KLRG1: variants seen among roughly 807,000 people sequenced by gnomAD.
KLRG1 encodes the protein killer cell lectin like receptor G1.
In KLRG1, 16 loss-of-function variants were observed where a neutral mutation model predicts 21.8. The ratio of observed to expected loss-of-function variants is 0.73; its 90% CI spans 0.50 to 1.11. The LOEUF is 1.11. Ranked by LOEUF, KLRG1 falls within the 50% of genes most tolerant of loss-of-function variation. The pLI, the probability that KLRG1 is intolerant of heterozygous loss-of-function variation, is 0.00. For synonymous variants in KLRG1, 69 were observed against 75.9 expected (o/e 0.91, Z 0.47); for missense variants, 173 against 218.3 (o/e 0.79, Z 1.31).
At chr12:9,112,364 G>C in the KLRG1 span, 1 of 1,611,550 alleles carries the variant, frequency 6.2e-7, no homozygotes, top group Non-Finnish European at 8.5e-7. Flanking sequence ...CCTGTCTGTA[G>C]GCTTCTTCAT....
chr12:9,140,802 T>C, the KLRG1 span, among the ~76,000 whole-genome samples: 11 of 152,200 alleles, frequency 7.2e-5, no homozygotes, highest in African/African-American at 2.2e-4. Flanking sequence ...GTACAGGGAC[T>C]GTGCACATAA....
At chr12:8,994,581 A>G (rs1361864833) in intron 2 of KLRG1, among the ~76,000 whole-genome samples, 1 of 152,200 alleles carries the variant, frequency 6.6e-6, no homozygotes, top group Non-Finnish European at 1.5e-5. Context: ...AGGGACAGTT[A>G]CATCTGTGAT....
the KLRG1 span, among the ~76,000 whole-genome samples, chr12:9,203,351 T>A: frequency 6.7e-6 from 1 of 148,596 alleles, no homozygotes. Context: ...TTTTTTTTTT[T>A]TTTTTTTTGA....
chr12:8,978,368 A>G (rs1946691258), intron 1 of KLRG1, among the ~76,000 whole-genome samples: 1 of 152,204 alleles, frequency 6.6e-6, no homozygotes, highest in South Asian at 2.1e-4. Flanking sequence ...TTACATTTTT[A>G]GTATAGATGA....
At chr12:9,112,420 G>C in the KLRG1 span, 14,090 of 1,613,882 alleles carry the variant, frequency 8.7e-3, 93 homozygotes, top group Middle Eastern at 0.014. Context: ...TCTGGACAAA[G>C]ACCAGACTGT....
the KLRG1 span, chr12:9,068,719 G>A: frequency 2.4e-5 from 37 of 1,540,516 alleles, no homozygotes; most frequent in African/African-American, 6.8e-5. Context: ...ATATTTCTAC[G>A]TGAAAATCAC....
chr12:9,085,706 A>G, the KLRG1 span, among the ~76,000 whole-genome samples: 6 of 152,074 alleles, frequency 3.9e-5, no homozygotes, highest in African/African-American at 7.2e-5. Context: ...ACAAAAGATC[A>G]ATGAAACTGA....
At chr12:9,120,429 G>A in the KLRG1 span, among the ~76,000 whole-genome samples, 2 of 152,120 alleles carry the variant, frequency 1.3e-5, no homozygotes, top group African/African-American at 4.8e-5. Context: ...ATAACAGTAA[G>A]AACAAACAAG....
chr12:9,139,337 A>T, the KLRG1 span, among the ~76,000 whole-genome samples: 1 of 152,076 alleles, frequency 6.6e-6, no homozygotes. Flanking sequence ...TTATTTTGTG[A>T]CTTAATATGT....
chr12:9,120,226 T>C, the KLRG1 span, among the ~76,000 whole-genome samples: 47 of 152,256 alleles, frequency 3.1e-4, no homozygotes, highest in African/African-American at 1.1e-3. Context: ...CCAGGAAAAA[T>C]CACCAATTGG....
chr12:9,182,691 C>T, the KLRG1 span, among the ~76,000 whole-genome samples: 1 of 152,136 alleles, frequency 6.6e-6, no homozygotes, highest in Non-Finnish European at 1.5e-5. Flanking sequence ...TCAGAAAATA[C>T]TTTACATTTT....
chr12:9,108,301 A>AT, the KLRG1 span, among the ~76,000 whole-genome samples: 1 of 151,360 alleles, frequency 6.6e-6, no homozygotes, highest in Non-Finnish European at 1.5e-5. Flanking sequence ...AATTTTTTGT[A>AT]TTTTTTAGTA....
chr12:9,165,986 A>C, the KLRG1 span: 1 of 1,526,960 alleles, frequency 6.5e-7, no homozygotes, highest in Admixed American at 2.2e-5. Flanking sequence ...TTGTCTTAGA[A>C]TTGAAAATGT....
At chr12:9,154,873 C>T in the KLRG1 span, 1 of 1,558,988 alleles carries the variant, frequency 6.4e-7, no homozygotes, top group Admixed American at 1.7e-5. Flanking sequence ...AATTGTAACT[C>T]ATCAATAAGT....
chr12:9,001,128 A>T (rs958505055), intron 3 of KLRG1, among the ~76,000 whole-genome samples: 2 of 152,322 alleles, frequency 1.3e-5, no homozygotes, highest in South Asian at 4.1e-4. Flanking sequence ...TTTTCAAGTA[A>T]TATGCTCTAT....
At chr12:9,062,674 A>G in the KLRG1 span, among the ~76,000 whole-genome samples, 3 of 147,720 alleles carry the variant, frequency 2.0e-5, no homozygotes, top group Admixed American at 6.8e-5. Context: ...ACATATTTAT[A>G]TATTTATATC....
chr12:9,041,564 T>C, the KLRG1 span, among the ~76,000 whole-genome samples: 5 of 152,176 alleles, frequency 3.3e-5, no homozygotes, highest in Non-Finnish European at 7.4e-5. Flanking sequence ...GTTGTGTGTC[T>C]TGGAGAGCTA....
At chr12:9,008,129 A>G (rs1473382360) in intron 3 of KLRG1, among the ~76,000 whole-genome samples, 1 of 152,156 alleles carries the variant, frequency 6.6e-6, no homozygotes, top group Non-Finnish European at 1.5e-5. Context: ...CTTGCCACAT[A>G]CAAGATTGAT....
At chr12:9,151,092 A>T in the KLRG1 span, among the ~76,000 whole-genome samples, 1 of 152,224 alleles carries the variant, frequency 6.6e-6, no homozygotes. Flanking sequence ...GTTTGGATAC[A>T]TAAAACATTT....
Sources: allele counts gnomAD v4.1 joint callset (sites outside exome capture counted in the v4.1 genomes callset), GRCh38; gene constraint gnomAD v4.1.1; transcripts MANE v1.5; gene names NCBI Gene and HGNC (gene_info 2026-07-23, HGNC 2026-07-21).